EPC1: variants seen among roughly 807,000 people sequenced by gnomAD.
EPC1 encodes the protein enhancer of polycomb homolog 1.
A neutral mutation model predicts 98.4 loss-of-function variants in EPC1; 12 were observed. The ratio of observed to expected loss-of-function variants is 0.12; its 90% CI spans 0.08 to 0.20. EPC1 has a LOEUF of 0.20. Among genes scored for constraint, EPC1 ranks in the 10% least tolerant of loss-of-function variants. The pLI is 1.00. For synonymous variants in EPC1, 357 were observed against 363.9 expected (o/e 0.98, Z 0.21); for missense variants, 729 against 990.5 (o/e 0.74, Z 3.54).
At chr10:32,312,617 G>A (rs1273414382) in intron 1 of EPC1, among the ~76,000 whole-genome samples, 1 of 152,108 alleles carries the variant, frequency 6.6e-6, no homozygotes, top group Non-Finnish European at 1.5e-5. Flanking sequence ...AGCAACATAA[G>A]AGAAGGGATT....
intron 2 of EPC1, among the ~76,000 whole-genome samples, chr10:32,297,550 G>C (rs113364817): frequency 6.6e-6 from 1 of 152,002 alleles, no homozygotes; most frequent in East Asian, 1.9e-4. Flanking sequence ...GCCTCCCAAA[G>C]TGCTGGGATT....
At chr10:32,321,907 G>A (rs1278566456) in intron 1 of EPC1, among the ~76,000 whole-genome samples, 6 of 151,780 alleles carry the variant, frequency 4.0e-5, no homozygotes, top group African/African-American at 1.2e-4. Flanking sequence ...TTAAATGGCT[G>A]AAGAGATGAT....
intron 10 of EPC1, among the ~76,000 whole-genome samples, chr10:32,276,573 C>G (rs1247821699): frequency 6.6e-6 from 1 of 152,118 alleles, no homozygotes; most frequent in African/African-American, 2.4e-5. Flanking sequence ...CATTAAGGTC[C>G]TCTTCAGCTA....
chr10:32,322,939 T>TA (rs1554822399), intron 1 of EPC1, among the ~76,000 whole-genome samples: 67 of 151,952 alleles, frequency 4.4e-4, no homozygotes, highest in South Asian at 1.3e-3. Context: ...ACCATTTTTT[T>TA]TAAAAAAACC....
At chr10:32,378,470 T>C (rs561325953) in intron 1 of EPC1, 284 of 1,543,620 alleles carry the variant, frequency 1.8e-4, no homozygotes, top group Middle Eastern at 1.0e-3. Context: ...CTGACATAAA[T>C]GGTGAAAATT....
At chr10:32,318,983 C>A (rs1247486791) in intron 1 of EPC1, among the ~76,000 whole-genome samples, 1 of 152,168 alleles carries the variant, frequency 6.6e-6, no homozygotes, top group African/African-American at 2.4e-5. Context: ...CAGTTCAACA[C>A]CTGACCACTT....
At chr10:32,301,172 CT>C (rs1244097918) in intron 2 of EPC1, among the ~76,000 whole-genome samples, 1 of 151,958 alleles carries the variant, frequency 6.6e-6, no homozygotes, top group Non-Finnish European at 1.5e-5. Flanking sequence ...ATTGACTACC[CT>C]TTTAAAAAAG....
At chr10:32,306,196 T>C (rs992019713) in intron 1 of EPC1, among the ~76,000 whole-genome samples, 3 of 152,254 alleles carry the variant, frequency 2.0e-5, no homozygotes, top group Admixed American at 6.5e-5. Flanking sequence ...AGATTCAAAA[T>C]AGTTGACAAA....
Position 32,293,090 on chromosome 10 carries a change from T to C in EPC1, c.564A>G (p.Pro188=), listed in dbSNP as rs538880539. Residue 188 remains proline (P), a synonymous_variant, in exon 4 of 14, where the codon CCA becomes CCG. Coordinates refer to ENST00000319778, the MANE Select transcript of EPC1 (RefSeq NM_001272004.3). ...CTTGTTTTACTGATGGAATAAGAGA[T>C]GGCCCTCGACAGTTTTTTCTCTTTT... The part of the protein sequence containing the change: ...WIKKRKNCRG[P]SLIPSVKQEK... 27 of 1,613,308 alleles carry C rather than the reference T, an allele frequency of 1.7e-5. No individual in the cohort carries two copies. In the East Asian group the frequency reaches 3.6e-4, roughly 21 times the overall value.
At chr10:32,370,227 T>C (rs1386818366) in intron 1 of EPC1, among the ~76,000 whole-genome samples, 3 of 152,170 alleles carry the variant, frequency 2.0e-5, no homozygotes, top group African/African-American at 7.2e-5. Context: ...ATTTTTTGCT[T>C]CACTCCACAG....
intron 1 of EPC1, among the ~76,000 whole-genome samples, chr10:32,368,528 G>A (rs1286552642): frequency 6.6e-6 from 1 of 152,086 alleles, no homozygotes; most frequent in African/African-American, 2.4e-5. Context: ...TATGGCTCAG[G>A]GAAGTGTTTT....
chr10:32,349,154 C>T (rs1347073430), upstream of EPC1, among the ~76,000 whole-genome samples: 1 of 152,130 alleles, frequency 6.6e-6, no homozygotes, highest in Non-Finnish European at 1.5e-5. Flanking sequence ...CCTCTCCAGC[C>T]TACAACATTA....
rs112561228 is a variant in EPC1, at chr10:32,352,950, G to C, written c.3+25541C>G. On this transcript the variant is annotated intron_variant, in intron 1 of 13. Coordinates refer to the EPC1 transcript ENST00000375110. ...GCGGACAGATTACCTGAGGTGGGGA[G>C]TACAAGACTAGCCTGACCAACACGG... Among the ~76,000 whole-genome samples the C allele has an allele frequency of 9.1e-3, 1,379 of 152,206 alleles. 26 individuals carry two copies. Among genetic ancestry groups the C allele is most frequent in the African/African-American group, 0.029 (1,218 of 41,518 alleles).
chr10:32,290,451 A>G (rs1393069538), intron 6 of EPC1, among the ~76,000 whole-genome samples: 1 of 129,462 alleles, frequency 7.7e-6, no homozygotes. Context: ...CGGCCACTGC[A>G]CTCCAGCCCG....
At chr10:32,317,840 A>T (rs1477590899) in intron 1 of EPC1, among the ~76,000 whole-genome samples, 1 of 152,316 alleles carries the variant, frequency 6.6e-6, no homozygotes, top group Non-Finnish European at 1.5e-5. Context: ...CAATTTCTAG[A>T]ATACAAAAAG....
At chr10:32,338,749 CCTT>C (rs1838134537) in intron 1 of EPC1, among the ~76,000 whole-genome samples, 1 of 152,080 alleles carries the variant, frequency 6.6e-6, no homozygotes. Flanking sequence ...TTATCCTTCT[CCTT>C]CTAACTAAAA....
chr10:32,346,253 T>C (rs530829112), intron 1 of EPC1, among the ~76,000 whole-genome samples: 2 of 152,126 alleles, frequency 1.3e-5, no homozygotes, highest in Non-Finnish European at 2.9e-5. Flanking sequence ...TCCCAGACCA[T>C]GGGGCAATCA....
chr10:32,313,442 T>C (rs540303729), intron 1 of EPC1, among the ~76,000 whole-genome samples: 1 of 152,274 alleles, frequency 6.6e-6, no homozygotes, highest in South Asian at 2.1e-4. Flanking sequence ...TAAAAATAAA[T>C]TGTACAGTGT....
intron 1 of EPC1, among the ~76,000 whole-genome samples, chr10:32,340,248 T>C (rs1000763665): frequency 6.6e-6 from 1 of 152,228 alleles, no homozygotes; most frequent in African/African-American, 2.4e-5. Flanking sequence ...TTTTAAAAAA[T>C]TGATTGTATC....
Sources: allele counts gnomAD v4.1 joint callset (sites outside exome capture counted in the v4.1 genomes callset), GRCh38; gene constraint gnomAD v4.1.1; transcripts MANE v1.5; gene names NCBI Gene and HGNC (gene_info 2026-07-23, HGNC 2026-07-21).